Variants in ADCY5 observed in about 807,000 individuals in gnomAD.
ADCY5 encodes adenylate cyclase type 5.
A neutral mutation model predicts 119.7 loss-of-function variants in ADCY5; 30 were observed. The ratio of observed to expected loss-of-function variants is 0.25; its 90% CI spans 0.19 to 0.34. The LOEUF is 0.34. Ranked by LOEUF, ADCY5 falls within the 10% of genes least tolerant of loss-of-function variation. The pLI is 1.00. For missense variants in ADCY5, 1,324 were observed against 1,775.2 expected, an observed-to-expected ratio of 0.75 and a Z score of 4.57; for synonymous variants, 753 against 762.2, an observed-to-expected ratio of 0.99 and a Z score of 0.20.
chr3:123,334,766 T>A (rs549793482), intron 3 of ADCY5, among the ~76,000 whole-genome samples: 40 of 152,216 alleles, frequency 2.6e-4, no homozygotes, highest in Admixed American at 2.0e-4. Context: ...ATAAATAAAT[T>A]AAATATTGAC....
At chr3:123,396,805 GGC>G (rs1179427459) in intron 1 of ADCY5, among the ~76,000 whole-genome samples, 1,011 of 82,700 alleles carry the variant, frequency 0.012, 46 homozygotes, top group African/African-American at 0.041. Context: ...CAGGCAGGCA[GGC>G]AGGCAGGCAG....
intron 1 of ADCY5, among the ~76,000 whole-genome samples, chr3:123,358,167 TG>T (rs1381126979): frequency 1.9e-5 from 1 of 52,496 alleles, no homozygotes; most frequent in Non-Finnish European, 5.0e-5. Context: ...TGTGTGTGTG[TG>T]TGTGTGTGTG....
At chr3:123,380,358 T>G (rs1346728920) in intron 1 of ADCY5, among the ~76,000 whole-genome samples, 1 of 152,140 alleles carries the variant, frequency 6.6e-6, no homozygotes, top group Non-Finnish European at 1.5e-5. Flanking sequence ...GTAGCTGGCG[T>G]TTGGAGGCTT....
intron 1 of ADCY5, among the ~76,000 whole-genome samples, chr3:123,396,020 G>A (rs1308201485): frequency 1.6e-5 from 2 of 128,580 alleles, no homozygotes; most frequent in East Asian, 2.5e-4. Context: ...GAAAGAGAGA[G>A]GGAGGGAGGG....
chr3:123,284,443 G>A lies in ADCY5; in HGVS notation c.*165C>T, dbSNP rs898946992. 13 of 1,132,800 alleles carry A rather than the reference G, an allele frequency of 1.1e-5. No homozygotes were observed. Among genetic ancestry groups the A allele is most frequent in the Admixed American group, 8.2e-5 (3 of 36,552 alleles). 70.2% of individuals were successfully genotyped at this position (1,132,800 alleles called of 1,614,324 possible). A position where few individuals can be genotyped will look rare whatever the true frequency, so the allele number is the denominator to read the frequency against. ...CACCCCGGGGCCTGGGACAGAGGCC[G>A]CTGCCCACCAGCAAAGGCAGAAGCT... On this transcript the variant is annotated 3_prime_UTR_variant, in exon 21 of 21. Coordinates refer to ENST00000462833, the MANE Select transcript of ADCY5 (RefSeq NM_183357.3).
intron 12 of ADCY5, 103 bp downstream of exon 12, chr3:123,314,132 A>G: frequency 1.1e-6 from 1 of 873,398 alleles, no homozygotes; most frequent in Non-Finnish European, 1.8e-6. Flanking sequence ...CCTGCCAAGC[A>G]CAATACTCGG....
Position 123,327,771 on chromosome 3 carries a change from C to A in ADCY5, c.1806-12G>T. Reference sequence around the variant, plus strand: ...TGATGTGGATGCGTCTACAGGGGGGCAGGGATCAGGGTGGAGAGGGCAGAA... The same window carrying A: ...TGATGTGGATGCGTCTACAGGGGGGAAGGGATCAGGGTGGAGAGGGCAGAA... On this transcript the variant is annotated splice_polypyrimidine_tract_variant and intron_variant, in intron 6 of 20. Coordinates refer to ENST00000462833, the MANE Select transcript of ADCY5 (RefSeq NM_183357.3). 1 of 1,613,692 alleles carries A rather than the reference C, an allele frequency of 6.2e-7. No homozygotes were observed. Among genetic ancestry groups the A allele is most frequent in the East Asian group, 2.2e-5 (1 of 44,870 alleles).
chr3:123,363,573 G>A (rs1943332945), intron 1 of ADCY5, among the ~76,000 whole-genome samples: 1 of 152,146 alleles, frequency 6.6e-6, no homozygotes, highest in Non-Finnish European at 1.5e-5. Context: ...TTAACAATTA[G>A]GAGCAGCTAA....
chr3:123,407,437 A>G lies in ADCY5; in HGVS notation c.1134+39975T>C, dbSNP rs114297384. ...CGAATAAAGTACTGATTCATACTACAATGTGGATGAACCTGAAAAATATTT... is the reference window on the plus strand; with the variant it reads ...CGAATAAAGTACTGATTCATACTACGATGTGGATGAACCTGAAAAATATTT... On this transcript the variant is annotated intron_variant, in intron 1 of 20. Transcript: ENST00000462833. 2.1e-3 allele frequency among the ~76,000 whole-genome samples: 320 copies of G among 152,214 alleles called. 3 individuals are homozygous for G. The highest frequency in any genetic ancestry group is 7.0e-3 in the African/African-American group (292 of 41,536).
At chr3:123,391,172 G>A (rs538311654) in intron 1 of ADCY5, among the ~76,000 whole-genome samples, 13 of 152,330 alleles carry the variant, frequency 8.5e-5, no homozygotes, top group South Asian at 6.2e-4. Context: ...ACCTCTAGGC[G>A]GGTGGGAGGG....
chr3:123,317,487 C>G (rs1399846440), intron 11 of ADCY5, among the ~76,000 whole-genome samples: 1 of 152,250 alleles, frequency 6.6e-6, no homozygotes, highest in Admixed American at 6.5e-5. Context: ...GTAATCCTAG[C>G]ACTTTGGGAG....
intron 14 of ADCY5, among the ~76,000 whole-genome samples, chr3:123,301,167 AATT>A (rs1939825532): frequency 6.6e-6 from 1 of 152,026 alleles, no homozygotes; most frequent in Admixed American, 6.5e-5. Flanking sequence ...CGTCAGCATC[AATT>A]ATTATGATTA....
chr3:123,389,423 C>T (rs188399145), intron 1 of ADCY5, among the ~76,000 whole-genome samples: 1 of 152,270 alleles, frequency 6.6e-6, no homozygotes, highest in East Asian at 1.9e-4. Context: ...CCTGACCACT[C>T]TCCCTGCCTC....
intron 1 of ADCY5, among the ~76,000 whole-genome samples, chr3:123,370,633 C>T (rs541904900): frequency 1.2e-4 from 19 of 152,224 alleles, no homozygotes; most frequent in Non-Finnish European, 2.5e-4. Flanking sequence ...CCAACCTGGA[C>T]CCCATCACTT....
Position 123,327,737 on chromosome 3 carries a change from T to C in ADCY5, c.1828A>G (p.Thr610Ala). 6.2e-7 allele frequency: 1 copy of C among 1,614,084 alleles called. No individual in the cohort carries two copies. Among genetic ancestry groups the C allele is most frequent in the South Asian group, 1.1e-5 (1 of 91,060 alleles). The part of the protein sequence containing the change: ...KAGRIHITKA[T>A]LNYLNGDYEV... ...TAGTCCCCATTCAGGTAGTTGAGTGTAGCCTTGGTGATGTGGATGCGTCTA... is the reference window on the plus strand; with the variant it reads ...TAGTCCCCATTCAGGTAGTTGAGTGCAGCCTTGGTGATGTGGATGCGTCTA... The change falls in exon 7 of 21, where the codon ACA becomes GCA. Residue 610 changes from threonine (T) to alanine (A), a missense_variant. Coordinates refer to ENST00000462833, the MANE Select transcript of ADCY5 (RefSeq NM_183357.3).
intron 1 of ADCY5, among the ~76,000 whole-genome samples, chr3:123,361,155 G>C (rs1485460971): frequency 6.6e-6 from 1 of 151,992 alleles, no homozygotes; most frequent in African/African-American, 2.4e-5. Context: ...ATAGATCCTG[G>C]TCACATAAAG....
At chr3:123,396,503 AAGAGAAAGAAAGAAAGAGAG>A (rs965178143) in intron 1 of ADCY5, among the ~76,000 whole-genome samples, 7 of 131,814 alleles carry the variant, frequency 5.3e-5, no homozygotes, top group Admixed American at 4.0e-4. Flanking sequence ...GAGGGAAAAT[AAGAGAAAGAAAGAAAGAGAG>A]AGAGAAAGAA....
intron 5 of ADCY5, among the ~76,000 whole-genome samples, chr3:123,329,028 C>T (rs926849743): frequency 4.6e-5 from 7 of 152,152 alleles, no homozygotes; most frequent in African/African-American, 1.4e-4. Context: ...CAAGGTGGCG[C>T]GGTGCCACAC....
chr3:123,427,865 C>T (rs190422024), intron 1 of ADCY5, among the ~76,000 whole-genome samples: 14 of 152,300 alleles, frequency 9.2e-5, no homozygotes, highest in African/African-American at 2.9e-4. Flanking sequence ...TCTTGGTTTC[C>T]CAGTGCCTAA....
Sources: allele counts gnomAD v4.1 joint callset (sites outside exome capture counted in the v4.1 genomes callset), GRCh38; gene constraint gnomAD v4.1.1; transcripts MANE v1.5; gene names NCBI Gene and HGNC (gene_info 2026-07-23, HGNC 2026-07-21).